TRHDE: variants seen among roughly 807,000 people sequenced by gnomAD.
The protein encoded by TRHDE is thyrotropin-releasing hormone-degrading ectoenzyme.
TRHDE carries 72 observed loss-of-function variants against 125.7 expected under a neutral mutation model. The observed-to-expected ratio is 0.57, with a 90% confidence interval of 0.47 to 0.70. TRHDE has a LOEUF of 0.70. Among genes scored for constraint, TRHDE ranks in the 30% least tolerant of loss-of-function variants. The probability of loss-of-function intolerance (pLI) is 0.00; values close to 1 mark genes in which losing one functional copy is unlikely to be tolerated. For missense variants in TRHDE, 1,110 were observed against 1,327.1 expected (o/e 0.84, Z 2.54); for synonymous variants, 509 against 509.1 (o/e 1.00, Z 0.00).
intron 3 of TRHDE, among the ~76,000 whole-genome samples, chr12:72,446,474 C>T (rs1032846870): frequency 3.9e-5 from 6 of 152,026 alleles, no homozygotes; most frequent in Non-Finnish European, 7.4e-5. Context: ...AACCAGCCAA[C>T]ATCATAATGA....
At chr12:72,448,330 G>A (rs1445912863) in intron 3 of TRHDE, among the ~76,000 whole-genome samples, 1 of 151,992 alleles carries the variant, frequency 6.6e-6, no homozygotes, top group Non-Finnish European at 1.5e-5. Context: ...ATTGTGTAAT[G>A]GCTTCATTTG....
chr12:72,288,472 C>T (rs544604632), intron 2 of TRHDE, among the ~76,000 whole-genome samples: 40 of 152,218 alleles, frequency 2.6e-4, no homozygotes, highest in South Asian at 8.3e-4. Context: ...GCATTTTACT[C>T]TTTTGGATTT....
chr12:72,276,136 A>G (rs1341370242), intron 1 of TRHDE, among the ~76,000 whole-genome samples: 4 of 152,186 alleles, frequency 2.6e-5, no homozygotes, highest in African/African-American at 9.6e-5. Context: ...AGCATGGAGC[A>G]TTTTTAAACA....
At chr12:72,643,731 C>T (rs1874163897) in intron 15 of TRHDE, among the ~76,000 whole-genome samples, 1 of 152,092 alleles carries the variant, frequency 6.6e-6, no homozygotes, top group African/African-American at 2.4e-5. Flanking sequence ...ACTTTATGTC[C>T]TTTTAACTCA....
At chr12:72,609,076 G>T (rs999251586) in intron 12 of TRHDE, among the ~76,000 whole-genome samples, 3 of 152,142 alleles carry the variant, frequency 2.0e-5, no homozygotes, top group African/African-American at 7.2e-5. Context: ...AAGCAATGTT[G>T]GCTATCACAG....
chr12:72,242,958 T>C (rs1388661996), intron 2 of TRHDE, among the ~76,000 whole-genome samples: 3 of 152,304 alleles, frequency 2.0e-5, no homozygotes, highest in South Asian at 2.1e-4. Context: ...GGAAATCCTA[T>C]TGGGAGCAGT....
chr12:72,418,180 T>TCA (rs1263678899), intron 3 of TRHDE, among the ~76,000 whole-genome samples: 2 of 152,100 alleles, frequency 1.3e-5, no homozygotes, highest in African/African-American at 2.4e-5. Context: ...CTTTTAATTC[T>TCA]CACATTTATT....
intron 2 of TRHDE, among the ~76,000 whole-genome samples, chr12:72,355,475 C>T (rs1028444984): frequency 2.6e-5 from 4 of 151,600 alleles, no homozygotes; most frequent in African/African-American, 9.7e-5. Flanking sequence ...CTAGGCAATA[C>T]CATTCTGGAC....
chr12:72,392,702 A>G (rs1872654051), intron 3 of TRHDE, among the ~76,000 whole-genome samples: 1 of 152,214 alleles, frequency 6.6e-6, no homozygotes, highest in South Asian at 2.1e-4. Context: ...GAATTGACCC[A>G]TGGACTACAG....
intron 2 of TRHDE, among the ~76,000 whole-genome samples, chr12:72,149,253 G>A (rs1005813817): frequency 9.2e-5 from 14 of 152,168 alleles, no homozygotes; most frequent in Admixed American, 2.0e-4. Context: ...TATGTGATGC[G>A]TACTAAGTAA....
chr12:72,547,171 G>T (rs1869458560), intron 7 of TRHDE, among the ~76,000 whole-genome samples: 1 of 150,214 alleles, frequency 6.7e-6, no homozygotes. Flanking sequence ...TTTACCATAT[G>T]GAGATTTAAA....
chr12:72,293,143 G>A (rs1288038325), intron 2 of TRHDE, among the ~76,000 whole-genome samples: 1 of 151,902 alleles, frequency 6.6e-6, no homozygotes, highest in Non-Finnish European at 1.5e-5. Flanking sequence ...CTCTCTGAGT[G>A]GCCTGAGCTT....
intron 2 of TRHDE, among the ~76,000 whole-genome samples, chr12:72,155,089 A>G (rs1876471492): frequency 6.6e-6 from 1 of 152,122 alleles, no homozygotes; most frequent in Non-Finnish European, 1.5e-5. Context: ...GGTTTTGTTC[A>G]TTTCTTTTTA....
chr12:72,551,742 G>A (rs1343281317), intron 7 of TRHDE, among the ~76,000 whole-genome samples: 2 of 152,008 alleles, frequency 1.3e-5, no homozygotes, highest in African/African-American at 2.4e-5. Context: ...GGGGACACAC[G>A]ATAGATAGGA....
chr12:72,134,959 C>T, intron 2 of TRHDE, among the ~76,000 whole-genome samples: 1 of 152,050 alleles, frequency 6.6e-6, no homozygotes, highest in Non-Finnish European at 1.5e-5. Flanking sequence ...TGACGCTAGA[C>T]TCTTTATGTT....
At chr12:72,646,362 A>C (rs1467303011) in intron 15 of TRHDE, among the ~76,000 whole-genome samples, 1 of 152,066 alleles carries the variant, frequency 6.6e-6, no homozygotes, top group African/African-American at 2.4e-5. Flanking sequence ...AGAGGGAAAA[A>C]CAAATCACAG....
intron 12 of TRHDE, among the ~76,000 whole-genome samples, chr12:72,614,396 T>C (rs1201493791): frequency 6.6e-6 from 1 of 150,610 alleles, no homozygotes; most frequent in East Asian, 1.9e-4. Flanking sequence ...CCTGTGTTTT[T>C]TCCCTTTTAT....
At chr12:72,169,607 C>A (rs1361658031) in intron 2 of TRHDE, among the ~76,000 whole-genome samples, 1 of 151,976 alleles carries the variant, frequency 6.6e-6, no homozygotes, top group African/African-American at 2.4e-5. Flanking sequence ...GTAATCCCAG[C>A]ACTTTGGAAG....
intron 3 of TRHDE, among the ~76,000 whole-genome samples, chr12:72,461,794 C>G (rs946864802): frequency 2.6e-5 from 4 of 152,070 alleles, no homozygotes; most frequent in African/African-American, 9.7e-5. Context: ...ACCTAAACTT[C>G]ATCTTTGTTT....
Sources: allele counts gnomAD v4.1 joint callset (sites outside exome capture counted in the v4.1 genomes callset), GRCh38; gene constraint gnomAD v4.1.1; transcripts MANE v1.5; gene names NCBI Gene and HGNC (gene_info 2026-07-23, HGNC 2026-07-21).